The following COBLL1 variants were observed in gnomAD, a reference collection of about 807,000 sequenced individuals.
The protein encoded by COBLL1 is cordon-bleu protein-like 1.
COBLL1 carries 50 observed loss-of-function variants against 94.8 expected under a neutral mutation model. The ratio of observed to expected loss-of-function variants is 0.53; its 90% CI spans 0.42 to 0.67. The LOEUF is 0.67. Ranked by LOEUF, COBLL1 falls within the 30% of genes least tolerant of loss-of-function variation. The pLI is 0.00. For missense variants in COBLL1, 1,362 were observed against 1,348.7 expected (o/e 1.01, Z -0.15); for synonymous variants, 448 against 473.8 (o/e 0.95, Z 0.71).
At chr2:164,818,312 ACACG>A (rs1481149970) in intron 2 of COBLL1, among the ~76,000 whole-genome samples, 15 of 105,248 alleles carry the variant, frequency 1.4e-4, no homozygotes, top group Non-Finnish European at 2.1e-4. Context: ...GTATACATAT[ACACG>A]TGTGTATGTA....
intron 2 of COBLL1, among the ~76,000 whole-genome samples, chr2:164,660,801 G>C (rs1691057919): frequency 6.6e-6 from 1 of 152,100 alleles, no homozygotes; most frequent in Non-Finnish European, 1.5e-5. Context: ...AGCAATCATA[G>C]CTCTTGAATA....
intron 5 of COBLL1, chr2:164,725,135 A>ATATATATATATATATGT (rs1558956204): frequency 1.7e-5 from 1 of 57,194 alleles, no homozygotes; most frequent in African/African-American, 7.8e-5. Flanking sequence ...TATATATATA[A>ATATATATATATATATGT]AATGAAAGCA....
chr2:164,706,721 C>T (rs966400943), intron 7 of COBLL1, among the ~76,000 whole-genome samples: 1 of 152,122 alleles, frequency 6.6e-6, no homozygotes, highest in African/African-American at 2.4e-5. Flanking sequence ...AGACATCCAA[C>T]ATCCAGCTTA....
chr2:164,795,104 C>A (rs576619139), intron 2 of COBLL1, among the ~76,000 whole-genome samples: 1 of 152,086 alleles, frequency 6.6e-6, no homozygotes, highest in Admixed American at 6.6e-5. Flanking sequence ...ATCAAGTAAT[C>A]AAATATGCTT....
chr2:164,711,935 C>T (rs979306568), intron 7 of COBLL1, among the ~76,000 whole-genome samples: 1 of 152,070 alleles, frequency 6.6e-6, no homozygotes, highest in African/African-American at 2.4e-5. Context: ...GCACTTCTAA[C>T]AGGAATGCAC....
intron 3 of COBLL1, among the ~76,000 whole-genome samples, chr2:164,741,765 G>GT (rs1180327719): frequency 6.6e-6 from 1 of 152,058 alleles, no homozygotes; most frequent in Non-Finnish European, 1.5e-5. Context: ...TAGGGTGCTT[G>GT]TAAGTACAAA....
At chr2:164,704,234 G>A (rs979529724) in intron 9 of COBLL1, among the ~76,000 whole-genome samples, 9 of 152,182 alleles carry the variant, frequency 5.9e-5, no homozygotes, top group Non-Finnish European at 1.3e-4. Context: ...TTCCAGAACT[G>A]AAATTTTGAT....
At chr2:164,815,745 A>G (rs1031153762) in intron 2 of COBLL1, among the ~76,000 whole-genome samples, 2 of 152,128 alleles carry the variant, frequency 1.3e-5, no homozygotes, top group Non-Finnish European at 2.9e-5. Flanking sequence ...ATCCATGGGA[A>G]TTGTTCCTCC....
chr2:164,732,569 T>C (rs1686074811), intron 3 of COBLL1, among the ~76,000 whole-genome samples: 1 of 152,222 alleles, frequency 6.6e-6, no homozygotes, highest in Non-Finnish European at 1.5e-5. Flanking sequence ...AAGAGAACTT[T>C]CATTGCCAAC....
intron 2 of COBLL1, among the ~76,000 whole-genome samples, chr2:164,826,680 A>G (rs541124048): frequency 6.6e-6 from 1 of 152,362 alleles, no homozygotes; most frequent in African/African-American, 2.4e-5. Flanking sequence ...CTGCCTGCCA[A>G]GTGCTGCTAT....
At chr2:164,741,273 C>G (rs915047093) in intron 3 of COBLL1, among the ~76,000 whole-genome samples, 1 of 151,420 alleles carries the variant, frequency 6.6e-6, no homozygotes, top group African/African-American at 2.4e-5. Flanking sequence ...AAGACTGTCT[C>G]AAAAAACAAA....
intron 2 of COBLL1, among the ~76,000 whole-genome samples, chr2:164,753,938 G>A (rs1172893699): frequency 2.6e-5 from 4 of 151,756 alleles, no homozygotes; most frequent in Non-Finnish European, 5.9e-5. Context: ...GCACCACGTT[G>A]GCCAGGCTGG....
At chr2:164,811,501 C>T (rs1408628578) in intron 2 of COBLL1, among the ~76,000 whole-genome samples, 3 of 151,886 alleles carry the variant, frequency 2.0e-5, no homozygotes, top group Non-Finnish European at 4.4e-5. Flanking sequence ...TAATGGAATA[C>T]CATGTAACTA....
intron 3 of COBLL1, among the ~76,000 whole-genome samples, chr2:164,735,360 C>T (rs1686244089): frequency 6.6e-6 from 1 of 152,138 alleles, no homozygotes; most frequent in Non-Finnish European, 1.5e-5. Flanking sequence ...CTTGTTTTGC[C>T]TAAGCCATAC....
intron 1 of COBLL1, among the ~76,000 whole-genome samples, chr2:164,671,255 TAAAG>T (rs1403305092): frequency 6.6e-6 from 1 of 152,088 alleles, no homozygotes; most frequent in Non-Finnish European, 1.5e-5. Context: ...AATTAGTAAA[TAAAG>T]AAGTATGGTT....
chr2:164,687,460 G>A (rs1683359037), intron 13 of COBLL1: 1 of 1,417,262 alleles, frequency 7.1e-7, no homozygotes, highest in Non-Finnish European at 9.8e-7. Context: ...CTTGAACTTG[G>A]CCCTGTGCAG....
chr2:164,798,512 C>G (rs1683589572), intron 2 of COBLL1, among the ~76,000 whole-genome samples: 1 of 152,182 alleles, frequency 6.6e-6, no homozygotes, highest in Non-Finnish European at 1.5e-5. Flanking sequence ...CTAATCAATA[C>G]TTAAATGAGA....
chr2:164,807,846 G>A (rs139998639), intron 2 of COBLL1, among the ~76,000 whole-genome samples: 2 of 152,050 alleles, frequency 1.3e-5, no homozygotes, highest in Non-Finnish European at 2.9e-5. Flanking sequence ...TTTTGTGACA[G>A]AGTCTCGTTG....
At chr2:164,679,009 C>T (rs182572984), downstream of COBLL1, among the ~76,000 whole-genome samples, 84 of 152,264 alleles carry the variant, frequency 5.5e-4, no homozygotes, top group Non-Finnish European at 1.0e-3. Flanking sequence ...CTCTTATATT[C>T]ACATTACCAA....
Sources: gnomAD v4.1 joint callset for allele counts (sites outside exome capture counted in the v4.1 genomes callset) on GRCh38, gnomAD v4.1.1 for gene constraint, MANE v1.5 for transcripts, NCBI Gene and HGNC (gene_info 2026-07-23, HGNC 2026-07-21) for gene names.